Variants in PCDHGA3 observed in about 807,000 individuals in gnomAD.
The protein encoded by PCDHGA3 is protocadherin gamma subfamily A, 3, also known as protocadherin gamma-A3.
A neutral mutation model predicts 58.5 loss-of-function variants in PCDHGA3; 40 were observed. The ratio of observed to expected loss-of-function variants is 0.68; its 90% CI spans 0.53 to 0.89. The LOEUF is 0.89. PCDHGA3 is among the 40% of genes least tolerant of loss of function. The pLI, the probability that PCDHGA3 is intolerant of heterozygous loss-of-function variation, is 0.00. For synonymous variants in PCDHGA3, 530 were observed against 525.7 expected, an observed-to-expected ratio of 1.01 and a Z score of -0.11; for missense variants, 1,223 against 1,195.9, an observed-to-expected ratio of 1.02 and a Z score of -0.33.
chr5:141,474,358 C>A (rs189724264), intron 1 of PCDHGA3, among the ~76,000 whole-genome samples: 30 of 152,290 alleles, frequency 2.0e-4, no homozygotes, highest in African/African-American at 6.5e-4. Context: ...AGTCATGTCT[C>A]AGTAGGTCTA....
intron 1 of PCDHGA3, chr5:141,356,861 A>C (rs754992858): frequency 1.2e-5 from 20 of 1,614,030 alleles, no homozygotes; most frequent in Non-Finnish European, 1.7e-5. Context: ...TTTGTGCTGG[A>C]CCAGAACGAC....
At position 141,408,680 on chromosome 5, in the gene PCDHGA3, C is replaced by G. The variant is rs774572788; in HGVS notation, c.2424+62223C>G. 1.5e-4 allele frequency: 245 copies of G among 1,613,812 alleles called. No homozygotes were observed. Among genetic ancestry groups the G allele is most frequent in the Non-Finnish European group, 1.9e-4 (222 of 1,179,872 alleles). On this transcript the variant is annotated intron_variant, in intron 1 of 3. Coordinates refer to ENST00000253812, the MANE Select transcript of PCDHGA3 (RefSeq NM_018916.4). ...ACTATCGCTTGACCCTGCCACGGAT[C>G]CTGATATAAACATAAACTCAATTAA...
intron 3 of PCDHGA3, among the ~76,000 whole-genome samples, chr5:141,506,700 G>GT (rs1446452157): frequency 2.0e-5 from 3 of 152,138 alleles, no homozygotes; most frequent in Admixed American, 1.3e-4. Context: ...ACCCAAACCC[G>GT]TTTTTTACTG....
At chr5:141,380,618 G>A (rs531927290) in intron 1 of PCDHGA3, among the ~76,000 whole-genome samples, 15 of 152,210 alleles carry the variant, frequency 9.9e-5, no homozygotes, top group South Asian at 4.1e-4. Flanking sequence ...TATGATGTTC[G>A]ATAACTTAGA....
intron 1 of PCDHGA3, among the ~76,000 whole-genome samples, chr5:141,353,287 T>A (rs747205699): frequency 1.3e-5 from 2 of 152,228 alleles, no homozygotes; most frequent in Non-Finnish European, 2.9e-5. Context: ...GTCATTTTAT[T>A]CTTAGCTCTT....
rs748486683 is a variant in PCDHGA3, at chr5:141,374,702, G to A, written c.2424+28245G>A. 8 of 1,609,096 alleles carry A rather than the reference G, an allele frequency of 5.0e-6. No homozygotes were observed. In the Admixed American group the frequency reaches 5.1e-5, roughly 10 times the overall value. ...CACACTGGACCGGGAAGGAGAAGCCGTTTACCGCCTGGTCCTTACTGCCAT... is the reference window on the plus strand; with the variant it reads ...CACACTGGACCGGGAAGGAGAAGCCATTTACCGCCTGGTCCTTACTGCCAT... On this transcript the variant is annotated intron_variant, in intron 1 of 3. Transcript: ENST00000253812.
intron 1 of PCDHGA3, chr5:141,366,751 G>T: frequency 6.2e-7 from 1 of 1,607,656 alleles, no homozygotes; most frequent in Non-Finnish European, 8.5e-7. Context: ...GGCGAGTTCA[G>T]GTTAGTTTTC....
intron 1 of PCDHGA3, chr5:141,383,971 G>A (rs373869441): frequency 2.5e-6 from 4 of 1,613,544 alleles, no homozygotes; most frequent in African/African-American, 1.3e-5. Context: ...CTCAATCCCT[G>A]AAGACACACC....
chr5:141,491,178 C>T lies in PCDHGA3; in HGVS notation c.2425-3629C>T, dbSNP rs774139827. 6.2e-7 allele frequency: 1 copy of T among 1,614,146 alleles called. No individual in the cohort carries two copies. The highest frequency in any genetic ancestry group is 8.5e-7 in the Non-Finnish European group (1 of 1,179,992). On this transcript the variant is annotated intron_variant, in intron 1 of 3. Coordinates refer to ENST00000253812, the MANE Select transcript of PCDHGA3 (RefSeq NM_018916.4). The surrounding 1 kb of genome is among the most constrained non-coding windows in gnomAD (Gnocchi z 6.9). ...ACTCTGACACCCAGCAGGTGGTGGT[C>T]CTGGTGAGGGACAATGGTGACCCTT...
At chr5:141,419,436 G>T (rs756968644) in intron 1 of PCDHGA3, 1 of 1,613,144 alleles carries the variant, frequency 6.2e-7, no homozygotes, top group East Asian at 2.2e-5. Context: ...GAGCAGCTGC[G>T]CACCTTCGAG....
chr5:141,360,097 T>C, intron 1 of PCDHGA3: 1 of 1,527,810 alleles, frequency 6.5e-7, no homozygotes, highest in Non-Finnish European at 8.8e-7. Flanking sequence ...CCGGAAGGCT[T>C]ATTCCTCCTA....
chr5:141,428,297 T>G (rs2097131311), intron 1 of PCDHGA3: 5 of 712,160 alleles, frequency 7.0e-6, no homozygotes, highest in Non-Finnish European at 1.2e-5. Flanking sequence ...AAGCTGCAGA[T>G]TTACCTGGTC....
At chr5:141,497,101 G>A (rs1465038195) in intron 2 of PCDHGA3, among the ~76,000 whole-genome samples, 1 of 152,042 alleles carries the variant, frequency 6.6e-6, no homozygotes, top group African/African-American at 2.4e-5. Flanking sequence ...AGGCAGAACT[G>A]CTTGAACCCG....
chr5:141,397,284 C>G (rs185201660), intron 1 of PCDHGA3, among the ~76,000 whole-genome samples: 47 of 152,188 alleles, frequency 3.1e-4, no homozygotes, highest in African/African-American at 1.1e-3. Context: ...GGGCAGTATA[C>G]TTGAATGAAT....
chr5:141,362,140 C>A (rs1762345318), intron 1 of PCDHGA3: 2 of 1,614,056 alleles, frequency 1.2e-6, no homozygotes, highest in Non-Finnish European at 1.7e-6. Context: ...GGATAGCCTG[C>A]AAGAGGTATT....
chr5:141,375,058 A>C (rs1346702145), intron 1 of PCDHGA3: 3 of 1,614,066 alleles, frequency 1.9e-6, no homozygotes, highest in Non-Finnish European at 2.5e-6. Context: ...GGGATGGGCC[A>C]GGTCTTCGAG....
intron 1 of PCDHGA3, among the ~76,000 whole-genome samples, chr5:141,484,306 C>T (rs1009067603): frequency 6.6e-6 from 1 of 152,184 alleles, no homozygotes; most frequent in African/African-American, 2.4e-5. Context: ...GCTTCCTCCA[C>T]CCCGCTTCCA....
intron 1 of PCDHGA3, chr5:141,415,153 G>T: frequency 2.5e-6 from 4 of 1,613,780 alleles, no homozygotes; most frequent in Non-Finnish European, 3.4e-6. Context: ...CCCTCTCTCC[G>T]CCACTGTCAC....
In PCDHGA3 at chr5:141,409,379, A is replaced by G. The variant is rs376174246; in HGVS notation, c.2424+62922A>G. On this transcript the variant is annotated intron_variant, in intron 1 of 3. Transcript: ENST00000253812. ...TAATATAGAAACAGACATTCCATTC[A>G]AGATTTATTCTTCTTCCAATAACTA... is the stretch of plus-strand genomic sequence containing the variant. The G allele has an allele frequency of 1.5e-5, 25 of 1,613,926 alleles. No homozygotes were observed. The highest frequency in any genetic ancestry group is 2.0e-5 in the Non-Finnish European group (24 of 1,179,908).
Sources: gnomAD v4.1 joint callset for allele counts (sites outside exome capture counted in the v4.1 genomes callset) on GRCh38, gnomAD v4.1.1 for gene constraint, Gnocchi (gnomAD v3.1) non-coding constraint, MANE v1.5 for transcripts, NCBI Gene and HGNC (gene_info 2026-07-23, HGNC 2026-07-21) for gene names.